ZNF800: variants seen among roughly 807,000 people sequenced by gnomAD.
The protein encoded by ZNF800 is zinc finger protein 800.
A neutral mutation model predicts 59.5 loss-of-function variants in ZNF800; 13 were observed. The observed-to-expected ratio is 0.22, with a 90% confidence interval of 0.14 to 0.35. ZNF800 has a LOEUF of 0.35. Ranked by LOEUF, ZNF800 falls within the 10% of genes least tolerant of loss-of-function variation. The probability of loss-of-function intolerance (pLI) is 1.00; values close to 1 mark genes in which losing one functional copy is unlikely to be tolerated. For missense variants in ZNF800, 621 were observed against 783.7 expected (o/e 0.79, Z 2.48); for synonymous variants, 266 against 265.7 (o/e 1.00, Z -0.01).
intron 4 of ZNF800, among the ~76,000 whole-genome samples, chr7:127,376,106 CTTT>C (rs551891292): frequency 3.7e-4 from 56 of 151,856 alleles, no homozygotes; most frequent in Middle Eastern, 3.4e-3. Flanking sequence ...CTCTAGACTG[CTTT>C]TTAATTTATA....
intron 2 of ZNF800, among the ~76,000 whole-genome samples, chr7:127,391,293 C>T (rs1280720478): frequency 2.0e-5 from 3 of 152,102 alleles, no homozygotes; most frequent in East Asian, 1.9e-4. Context: ...TAAGGTGACA[C>T]TTGCAGTACT....
chr7:127,358,656 T>A (rs1351787738), intron 1 of ZNF800, among the ~76,000 whole-genome samples: 1 of 152,116 alleles, frequency 6.6e-6, no homozygotes. Flanking sequence ...TTTCTGCCTA[T>A]CTCTTTCAAA....
intron 2 of ZNF800, among the ~76,000 whole-genome samples, chr7:127,390,469 A>T (rs575647516): frequency 6.6e-6 from 1 of 152,314 alleles, no homozygotes; most frequent in South Asian, 2.1e-4. Context: ...TTTTATCCTC[A>T]TCTGTAGCAA....
intron 4 of ZNF800, among the ~76,000 whole-genome samples, chr7:127,376,899 T>C (rs1800802158): frequency 6.6e-6 from 1 of 151,908 alleles, no homozygotes; most frequent in Admixed American, 6.6e-5. Flanking sequence ...TCTAAAACAA[T>C]ATCCAATATT....
intron 1 of ZNF800, among the ~76,000 whole-genome samples, chr7:127,353,669 A>G (rs890916574): frequency 7.2e-5 from 11 of 152,196 alleles, no homozygotes; most frequent in Non-Finnish European, 1.6e-4. Context: ...TGAAGTTCAA[A>G]TATAAGTACT....
rs1587462076 is a variant in ZNF800 at position 127,392,501 on chromosome 7, C to T, written c.-500G>A. ...AGCGCCGCTCCACCTGCAACGGTCC[C>T]TCAGGCTTTAGGAGAGGGGCGGAGA... On this transcript the variant is annotated 5_prime_UTR_variant, in exon 1 of 6. Coordinates refer to ENST00000265827, the MANE Select transcript of ZNF800 (RefSeq NM_176814.5). 3 of 346,394 alleles carry T rather than the reference C, an allele frequency of 8.7e-6. No homozygotes were observed. The East Asian group carries it at 1.3e-4, about 15-fold the overall frequency. The allele number at this position is 346,394 out of a possible 1,614,324, so 21.5% of individuals were successfully genotyped here. A position where few individuals can be genotyped will look rare whatever the true frequency, so the allele number is the denominator to read the frequency against.
rs17869286 is a variant in ZNF800, at chr7:127,380,467, A to T, written c.158-3138T>A. Among the ~76,000 whole-genome samples the T allele has an allele frequency of 7.7e-3, 1,179 of 152,346 alleles. 15 individuals carry two copies. The highest frequency in any genetic ancestry group is 0.027 in the African/African-American group (1,125 of 41,584). On this transcript the variant is annotated intron_variant, in intron 3 of 5. Coordinates refer to ENST00000265827, the MANE Select transcript of ZNF800 (RefSeq NM_176814.5). ...ACATAGTTAACAAATGAGAAAAATAAGGTGTGTCTCAGTCCACAAACAGAG... is the reference window on the plus strand; with the variant it reads ...ACATAGTTAACAAATGAGAAAAATATGGTGTGTCTCAGTCCACAAACAGAG...
intron 1 of ZNF800, chr7:127,363,337 T>C (rs1165541867): frequency 6.6e-6 from 1 of 151,400 alleles, no homozygotes; most frequent in Non-Finnish European, 1.5e-5. Flanking sequence ...ACTAAGAGTA[T>C]ATAAAAAGAA....
downstream of ZNF800, among the ~76,000 whole-genome samples, chr7:127,343,648 T>TCA (rs1800007009): frequency 6.6e-6 from 1 of 152,006 alleles, no homozygotes; most frequent in African/African-American, 2.4e-5. Context: ...ATCTAGGTTT[T>TCA]TAAGCTGATA....
chr7:127,353,173 T>C (rs978565507), intron 1 of ZNF800, among the ~76,000 whole-genome samples: 5 of 152,216 alleles, frequency 3.3e-5, no homozygotes, highest in African/African-American at 7.2e-5. Flanking sequence ...ATATTTCAGA[T>C]GTCCACAAAT....
intron 3 of ZNF800, among the ~76,000 whole-genome samples, chr7:127,380,429 T>C (rs1334893130): frequency 1.3e-5 from 2 of 152,236 alleles, no homozygotes; most frequent in African/African-American, 4.8e-5. Flanking sequence ...TTAAAACTTT[T>C]TTAATTCCAC....
intron 1 of ZNF800, among the ~76,000 whole-genome samples, chr7:127,351,054 G>A (rs1042029027): frequency 1.3e-5 from 2 of 152,210 alleles, no homozygotes; most frequent in African/African-American, 4.8e-5. Flanking sequence ...TTTGCATGCT[G>A]AAGAGAAATA....
rs71578227 is a variant in ZNF800 at position 127,392,599 on chromosome 7, C to T, written c.-598G>A. On this transcript the variant is annotated 5_prime_UTR_variant, in exon 1 of 6. Coordinates refer to ENST00000265827, the MANE Select transcript of ZNF800 (RefSeq NM_176814.5). The stretch of plus-strand genomic sequence containing the variant: ...GTTTCAGGAAACTTTATTAAGTCAG[C>T]CTCTCTTTTACTCTGTCGCCCCCTC... 25,043 of 187,494 alleles carry T rather than the reference C, an allele frequency of 0.13. 2,085 individuals are homozygous for T. The highest frequency in any genetic ancestry group is 0.25 in the Middle Eastern group (124 of 506). The allele number at this position is 187,494 out of a possible 1,614,324, so 11.6% of individuals were successfully genotyped here. A position where few individuals can be genotyped will look rare whatever the true frequency, so the allele number is the denominator to read the frequency against.
intron 3 of ZNF800, 113 bp downstream of exon 3, chr7:127,385,947 A>G (rs1801128461): frequency 1.5e-6 from 1 of 661,538 alleles, no homozygotes; most frequent in Admixed American, 3.2e-5. Flanking sequence ...AATATTCTAT[A>G]AAGAAAGCCA....
chr7:127,391,255 C>G (rs1056964243), intron 2 of ZNF800, among the ~76,000 whole-genome samples: 1 of 152,086 alleles, frequency 6.6e-6, no homozygotes, highest in Non-Finnish European at 1.5e-5. Flanking sequence ...AGAAAAAAGA[C>G]TGAGCGACTG....
intron 1 of ZNF800, 79 bp from the exon 2 acceptor site, chr7:127,391,694 A>G (rs1299176431): frequency 3.6e-5 from 26 of 729,114 alleles, no homozygotes; most frequent in African/African-American, 5.2e-5. Context: ...ATACGTTCCC[A>G]TCATCAGCTC....
In ZNF800 at chr7:127,370,879, A is replaced by AG. The variant is rs1305002235; in HGVS notation, c.*934dup. On this transcript the variant is annotated 3_prime_UTR_variant, in exon 6 of 6. Transcript: ENST00000265827. ...GTGGTCCTTTAAGATTTTTCTTGGG[A>AG]GAAAAAAAAATCAGGGCTTACACCC... The AG allele has an allele frequency of 6.6e-6, 1 of 152,482 alleles. No homozygotes were observed. Among genetic ancestry groups the AG allele is most frequent in the Non-Finnish European group, 1.5e-5 (1 of 67,938 alleles). The allele number at this position is 152,482 out of a possible 1,614,324, so 9.4% of individuals were successfully genotyped here. A position where few individuals can be genotyped will look rare whatever the true frequency, so the allele number is the denominator to read the frequency against.
intron 2 of ZNF800, among the ~76,000 whole-genome samples, chr7:127,390,669 C>T (rs898046024): frequency 2.6e-5 from 4 of 152,036 alleles, no homozygotes; most frequent in African/African-American, 2.4e-5. Flanking sequence ...GATAAACATC[C>T]GCCTTTAAAC....
rs934095525 is a variant in ZNF800, at chr7:127,370,690, A to C, written c.*1124T>G. On this transcript the variant is annotated 3_prime_UTR_variant, in exon 6 of 6. Coordinates refer to ENST00000265827, the MANE Select transcript of ZNF800 (RefSeq NM_176814.5). The stretch of plus-strand genomic sequence containing the variant: ...ATTATAATTTGACACAAATAACTAA[A>C]AAATAAAATATTCCCTAAAAGTACA... 1 of 152,584 alleles carries C rather than the reference A, an allele frequency of 6.6e-6. No individual in the cohort carries two copies. The highest frequency in any genetic ancestry group is 2.4e-5 in the African/African-American group (1 of 41,458). The allele number at this position is 152,584 out of a possible 1,614,324, so 9.5% of individuals were successfully genotyped here. A position where few individuals can be genotyped will look rare whatever the true frequency, so the allele number is the denominator to read the frequency against.
Sources: allele counts gnomAD v4.1 joint callset (sites outside exome capture counted in the v4.1 genomes callset), GRCh38; gene constraint gnomAD v4.1.1; transcripts MANE v1.5; gene names NCBI Gene and HGNC (gene_info 2026-07-23, HGNC 2026-07-21).